Variants in SSBP3 observed in about 807,000 individuals in gnomAD.
SSBP3 encodes the protein single stranded DNA binding protein 3, also known as single-stranded DNA-binding protein 3.
A neutral mutation model predicts 69.6 loss-of-function variants in SSBP3; 5 were observed. The observed-to-expected ratio is 0.07, with a 90% CI of 0.04 to 0.15. The LOEUF (loss-of-function observed/expected upper bound fraction) is 0.15, where lower values mean the gene tolerates loss of function less well. SSBP3 is among the 10% of genes least tolerant of loss of function. The pLI, the probability that SSBP3 is intolerant of heterozygous loss-of-function variation, is 1.00. For synonymous variants in SSBP3, 196 were observed against 193.4 expected (o/e 1.01, Z -0.11); for missense variants, 312 against 534.0 (o/e 0.58, Z 4.10).
At chr1:54,282,390 G>A (rs555542944) in intron 4 of SSBP3, among the ~76,000 whole-genome samples, 15 of 152,362 alleles carry the variant, frequency 9.8e-5, no homozygotes, top group East Asian at 7.7e-4. Context: ...AGGGCAGAGC[G>A]TGTTCTTGGC....
intron 5 of SSBP3, among the ~76,000 whole-genome samples, chr1:54,270,615 C>T (rs975809783): frequency 6.6e-6 from 1 of 152,184 alleles, no homozygotes; most frequent in Non-Finnish European, 1.5e-5. Context: ...AAGACTCCCT[C>T]CTGGAAAGAG....
intron 4 of SSBP3, among the ~76,000 whole-genome samples, chr1:54,320,229 G>T (rs1646188270): frequency 6.6e-6 from 1 of 152,164 alleles, no homozygotes; most frequent in African/African-American, 2.4e-5. Context: ...GGGTGACACT[G>T]GCCTTTTTCA....
chr1:54,345,110 G>A (rs1646667701), intron 4 of SSBP3, among the ~76,000 whole-genome samples: 1 of 152,182 alleles, frequency 6.6e-6, no homozygotes, highest in African/African-American at 2.4e-5. Context: ...AGACTAGAAA[G>A]TTACAAGAGT....
At chr1:54,338,912 C>G (rs1646558152) in intron 4 of SSBP3, among the ~76,000 whole-genome samples, 1 of 152,194 alleles carries the variant, frequency 6.6e-6, no homozygotes, top group African/African-American at 2.4e-5. Context: ...GAAACCAGAT[C>G]ATGACGACGG....
intron 4 of SSBP3, among the ~76,000 whole-genome samples, chr1:54,347,899 T>C (rs1205080640): frequency 6.6e-6 from 1 of 152,196 alleles, no homozygotes; most frequent in Non-Finnish European, 1.5e-5. Context: ...TAAGTTTCTG[T>C]TGTTTAAAGC....
At position 54,228,156 on chromosome 1, in the gene SSBP3, T is replaced by A. The variant is rs1644318649; in HGVS notation, c.1137+99A>T. The A allele has an allele frequency of 3.6e-6, 4 of 1,105,384 alleles. No individual in the cohort carries two copies. The Admixed American group carries it at 6.9e-5, about 19-fold the overall frequency. 68.5% of individuals were successfully genotyped at this position (1,105,384 alleles called of 1,614,324 possible). On this transcript the variant is annotated intron_variant, in intron 17 of 17. Transcript: ENST00000610401. Reference sequence around the variant, plus strand: ...AAAAACCATAACACGGCCACCAGCTTAGCTGGCAGGCTGCAGCCCGGCTCC... The same window carrying A: ...AAAAACCATAACACGGCCACCAGCTAAGCTGGCAGGCTGCAGCCCGGCTCC...
At chr1:54,241,294 G>T (rs1644633506) in intron 12 of SSBP3, among the ~76,000 whole-genome samples, 180 bp downstream of exon 12, 2 of 152,208 alleles carry the variant, frequency 1.3e-5, no homozygotes, top group Non-Finnish European at 2.9e-5. Flanking sequence ...CTGGTTTGGG[G>T]ATTTCTGGGC....
At chr1:54,390,510 A>C (rs1012514960) in intron 4 of SSBP3, among the ~76,000 whole-genome samples, 6 of 152,216 alleles carry the variant, frequency 3.9e-5, no homozygotes, top group Non-Finnish European at 8.8e-5. Context: ...GAATCGACTG[A>C]AGCACTCTGA....
At chr1:54,271,401 G>A (rs545857650) in intron 5 of SSBP3, among the ~76,000 whole-genome samples, 2 of 152,154 alleles carry the variant, frequency 1.3e-5, no homozygotes, top group African/African-American at 4.8e-5. Context: ...GAGCCACCAC[G>A]TGTGGCCTGA....
intron 4 of SSBP3, among the ~76,000 whole-genome samples, chr1:54,329,497 G>A (rs561772734): frequency 1.3e-5 from 2 of 152,332 alleles, no homozygotes; most frequent in South Asian, 4.1e-4. Flanking sequence ...GAGGAGGCAG[G>A]ATGGCCTGCC....
chr1:54,293,161 C>T (rs768753014), intron 4 of SSBP3, among the ~76,000 whole-genome samples: 4 of 152,112 alleles, frequency 2.6e-5, no homozygotes, highest in Non-Finnish European at 5.9e-5. Flanking sequence ...GAGCTCACTA[C>T]AGATTATTTG....
intron 5 of SSBP3, among the ~76,000 whole-genome samples, chr1:54,269,996 G>A (rs190904627): frequency 2.3e-4 from 35 of 152,330 alleles, no homozygotes; most frequent in East Asian, 9.6e-4. Context: ...GGAGCACAGC[G>A]GGGCTGGGCA....
At chr1:54,390,050 C>A (rs1449287017) in intron 4 of SSBP3, among the ~76,000 whole-genome samples, 2 of 152,110 alleles carry the variant, frequency 1.3e-5, no homozygotes, top group Non-Finnish European at 2.9e-5. Flanking sequence ...AAAGCACTTA[C>A]AACAGTGCCT....
intron 4 of SSBP3, among the ~76,000 whole-genome samples, chr1:54,328,944 G>GCATT (rs766589795): frequency 2.0e-5 from 3 of 152,216 alleles, no homozygotes; most frequent in Non-Finnish European, 4.4e-5. Flanking sequence ...GCTGGCGTGT[G>GCATT]CATTCTCCTC....
intron 4 of SSBP3, among the ~76,000 whole-genome samples, chr1:54,354,118 C>T (rs923718721): frequency 2.6e-5 from 4 of 152,226 alleles, no homozygotes; most frequent in African/African-American, 4.8e-5. Flanking sequence ...CTATCTGCAA[C>T]CTGATCTTAT....
chr1:54,295,481 G>A (rs1299184849), intron 4 of SSBP3, among the ~76,000 whole-genome samples: 1 of 152,110 alleles, frequency 6.6e-6, no homozygotes, highest in Non-Finnish European at 1.5e-5. Context: ...GGCATCCCAC[G>A]GAGCATGCAA....
chr1:54,336,833 C>T (rs1646515681), intron 4 of SSBP3, among the ~76,000 whole-genome samples: 1 of 152,168 alleles, frequency 6.6e-6, no homozygotes, highest in South Asian at 2.1e-4. Context: ...TTAGGTCAGG[C>T]CCCTCAGCCA....
At chr1:54,328,671 G>A (rs1646352928) in intron 4 of SSBP3, among the ~76,000 whole-genome samples, 1 of 152,246 alleles carries the variant, frequency 6.6e-6, no homozygotes, top group South Asian at 2.1e-4. Flanking sequence ...GGGAGAAGCA[G>A]CTACAGCCAT....
chr1:54,364,152 G>A (rs962191169), intron 4 of SSBP3, among the ~76,000 whole-genome samples: 1 of 152,132 alleles, frequency 6.6e-6, no homozygotes, highest in Non-Finnish European at 1.5e-5. Context: ...AGTTTTATTG[G>A]GACACAACCA....
Sources: allele counts gnomAD v4.1 joint callset (sites outside exome capture counted in the v4.1 genomes callset), GRCh38; gene constraint gnomAD v4.1.1; transcripts MANE v1.5; gene names NCBI Gene and HGNC (gene_info 2026-07-23, HGNC 2026-07-21).